Variants in UTRN observed in about 807,000 individuals in gnomAD.
UTRN encodes the protein utrophin, also known as dystrophin-related protein 1.
In UTRN, 283 loss-of-function variants were observed where a neutral mutation model predicts 463.9. The ratio of observed to expected loss-of-function variants is 0.61; its 90% CI spans 0.55 to 0.67. UTRN has a LOEUF of 0.67. Among genes scored for constraint, UTRN ranks in the 30% least tolerant of loss-of-function variants. UTRN has a pLI of 0.00. For synonymous variants in UTRN, 1,442 were observed against 1,431.5 expected, an observed-to-expected ratio of 1.01 and a Z score of -0.17; for missense variants, 3,922 against 4,084.3, an observed-to-expected ratio of 0.96 and a Z score of 1.08.
intron 2 of UTRN, among the ~76,000 whole-genome samples, chr6:144,330,555 T>G (rs1776262269): frequency 6.6e-6 from 1 of 152,222 alleles, no homozygotes; most frequent in African/African-American, 2.4e-5. Context: ...CTATTTGGCT[T>G]GAATCTAAGG....
At chr6:144,751,341 T>C (rs139891020) in intron 55 of UTRN, among the ~76,000 whole-genome samples, 1 of 152,330 alleles carries the variant, frequency 6.6e-6, no homozygotes, top group East Asian at 1.9e-4. Context: ...GTTTGAATTA[T>C]AATTTTTCTC....
In UTRN at chr6:144,451,273, G is replaced by C. The variant is rs1788274592; in HGVS notation, c.2073-97G>C. 3.5e-6 allele frequency: 5 copies of C among 1,417,480 alleles called. No homozygotes were observed. The South Asian group carries it at 4.8e-5, about 14-fold the overall frequency. The allele number at this position is 1,417,480 out of a possible 1,614,324, so 87.8% of individuals were successfully genotyped here. On this transcript the variant is annotated intron_variant, in intron 17 of 74. Coordinates refer to ENST00000367545, the MANE Select transcript of UTRN (RefSeq NM_007124.3). ...GCTGTTTTTGGGGGAGTGATAAAAAGACATATTCCTGATGAGCATTTGAGT... is the reference window on the plus strand; with the variant it reads ...GCTGTTTTTGGGGGAGTGATAAAAACACATATTCCTGATGAGCATTTGAGT...
chr6:144,571,819 A>G (rs2128622238), intron 50 of UTRN, among the ~76,000 whole-genome samples: 1 of 152,288 alleles, frequency 6.6e-6, no homozygotes, highest in Non-Finnish European at 1.5e-5. Context: ...ACCTGACAGT[A>G]CAATTTTCCA....
chr6:144,736,041 T>C (rs370926801), intron 54 of UTRN, among the ~76,000 whole-genome samples: 85 of 152,320 alleles, frequency 5.6e-4, no homozygotes, highest in Non-Finnish European at 6.8e-4. Flanking sequence ...TTTAACTTTA[T>C]GGTTTTTTTT....
chr6:144,447,415 G>C (rs529309758), intron 15 of UTRN, 97 bp downstream of exon 15: 1 of 1,352,868 alleles, frequency 7.4e-7, no homozygotes, highest in Non-Finnish European at 1.0e-6. Context: ...GCAGATTACA[G>C]CTCATTACCT....
chr6:144,528,392 G>T (rs1796748202), intron 41 of UTRN, among the ~76,000 whole-genome samples: 1 of 152,084 alleles, frequency 6.6e-6, no homozygotes, highest in South Asian at 2.1e-4. Flanking sequence ...TACCATAATT[G>T]TTTTTCTGGT....
At chr6:144,624,550 GAT>G (rs1164520772) in intron 51 of UTRN, among the ~76,000 whole-genome samples, 1 of 152,142 alleles carries the variant, frequency 6.6e-6, no homozygotes, top group African/African-American at 2.4e-5. Flanking sequence ...AACATTTGGA[GAT>G]ACTTCCAAAA....
At chr6:144,563,924 G>A (rs970704552) in intron 50 of UTRN, among the ~76,000 whole-genome samples, 2 of 152,086 alleles carry the variant, frequency 1.3e-5, no homozygotes, top group African/African-American at 4.8e-5. Flanking sequence ...TATTTTCTCA[G>A]CACATTTAGC....
intron 19 of UTRN, among the ~76,000 whole-genome samples, chr6:144,456,139 T>C (rs1476394276): frequency 6.6e-6 from 1 of 151,942 alleles, no homozygotes; most frequent in Non-Finnish European, 1.5e-5. Context: ...AGCTGAGAAA[T>C]GGGGGAGCTG....
intron 26 of UTRN, among the ~76,000 whole-genome samples, chr6:144,481,661 G>A (rs1791877164): frequency 6.6e-6 from 1 of 152,158 alleles, no homozygotes; most frequent in African/African-American, 2.4e-5. Flanking sequence ...ACATACTTTG[G>A]ATAACTTACG....
At chr6:144,528,592 A>C (rs1796765498) in intron 41 of UTRN, among the ~76,000 whole-genome samples, 1 of 152,164 alleles carries the variant, frequency 6.6e-6, no homozygotes, top group Non-Finnish European at 1.5e-5. Context: ...CAGCACAGCT[A>C]CTGGGTGCTG....
At chr6:144,335,306 A>G (rs1776633849) in intron 2 of UTRN, among the ~76,000 whole-genome samples, 1 of 152,124 alleles carries the variant, frequency 6.6e-6, no homozygotes, top group Non-Finnish European at 1.5e-5. Context: ...TTATTTCTGG[A>G]TCGCCCTTTC....
intron 51 of UTRN, among the ~76,000 whole-genome samples, chr6:144,577,871 A>C (rs1363891292): frequency 1.3e-5 from 2 of 152,158 alleles, no homozygotes; most frequent in African/African-American, 4.8e-5. Context: ...TTTGCCCTCA[A>C]GTAGTTCTGC....
At chr6:144,754,245 C>G (rs1791734905) in intron 56 of UTRN, among the ~76,000 whole-genome samples, 1 of 152,086 alleles carries the variant, frequency 6.6e-6, no homozygotes, top group Non-Finnish European at 1.5e-5. Flanking sequence ...ATCCCATGAC[C>G]ACATTTTGAC....
chr6:144,406,308 C>T (rs1783390815), intron 3 of UTRN, among the ~76,000 whole-genome samples: 1 of 151,606 alleles, frequency 6.6e-6, no homozygotes, highest in Admixed American at 6.6e-5. Context: ...TTGGTTCTTC[C>T]ATTCCATGCT....
chr6:144,338,752 G>C (rs1776923285), intron 2 of UTRN, among the ~76,000 whole-genome samples: 1 of 152,114 alleles, frequency 6.6e-6, no homozygotes, highest in South Asian at 2.1e-4. Flanking sequence ...GGAGATGGAT[G>C]AAACTGTGGA....
chr6:144,562,594 C>T (rs1303666177), intron 50 of UTRN, among the ~76,000 whole-genome samples: 1 of 152,172 alleles, frequency 6.6e-6, no homozygotes, highest in Admixed American at 6.5e-5. Context: ...TTTCTTTATC[C>T]AGTCCATCAT....
intron 2 of UTRN, among the ~76,000 whole-genome samples, chr6:144,357,771 G>T (rs1778701506): frequency 6.6e-6 from 1 of 152,168 alleles, no homozygotes; most frequent in Non-Finnish European, 1.5e-5. Context: ...ATATTGGTTG[G>T]TAATAATAAT....
chr6:144,404,952 A>G (rs908989941), intron 3 of UTRN, among the ~76,000 whole-genome samples: 2 of 152,232 alleles, frequency 1.3e-5, no homozygotes, highest in African/African-American at 4.8e-5. Context: ...TTATTTTGCA[A>G]TTAAATGGGG....
Sources: gnomAD v4.1 joint callset for allele counts (sites outside exome capture counted in the v4.1 genomes callset) on GRCh38, gnomAD v4.1.1 for gene constraint, MANE v1.5 for transcripts, NCBI Gene and HGNC (gene_info 2026-07-23, HGNC 2026-07-21) for gene names.